ZRSR2: variants seen among roughly 807,000 people sequenced by gnomAD.
ZRSR2 encodes the protein zinc finger CCCH-type, RNA binding motif and serine/arginine rich 2, also known as U2 small nuclear ribonucleoprotein auxiliary factor 35 kDa subunit-related protein 2.
In ZRSR2, 3 loss-of-function variants were observed where a neutral mutation model predicts 39.4. The observed-to-expected ratio is 0.08, with a 90% CI of 0.03 to 0.20. ZRSR2 has a LOEUF of 0.20. ZRSR2 is among the 10% of genes least tolerant of loss of function. The pLI, the probability that ZRSR2 is intolerant of heterozygous loss-of-function variation, is 1.00. For synonymous variants in ZRSR2, 137 were observed against 136.0 expected (o/e 1.01, Z -0.05); for missense variants, 256 against 391.5 (o/e 0.65, Z 2.92).
At chrX:15,797,073 C>T (rs1932497693) in intron 2 of ZRSR2, among the ~76,000 whole-genome samples, 1 of 110,180 alleles carries the variant, frequency 9.1e-6, no homozygotes. Context: ...GGATTACAGG[C>T]ATGAGCCACC....
intron 3 of ZRSR2, chrX:15,801,931 A>C (rs1311880327): frequency 8.9e-6 from 1 of 112,268 alleles, no homozygotes; most frequent in Non-Finnish European, 1.9e-5. Context: ...CAAGTTATTA[A>C]ATTTTAAAAT....
At chrX:15,811,430 C>A (rs1321325590) in intron 7 of ZRSR2, among the ~76,000 whole-genome samples, 6 of 109,774 alleles carry the variant, frequency 5.5e-5, no homozygotes, top group Non-Finnish European at 1.1e-4. Flanking sequence ...CTCACCCCCC[C>A]CCCTTTTTTT....
intron 2 of ZRSR2, among the ~76,000 whole-genome samples, chrX:15,796,246 T>C (rs2147278330): frequency 8.9e-6 from 1 of 112,112 alleles, no homozygotes; most frequent in South Asian, 3.6e-4. Flanking sequence ...CTAGTCGCAC[T>C]TTGTGTGAGT....
At chrX:15,790,664 G>C (rs1168072497) in intron 1 of ZRSR2, 128 bp downstream of exon 1, 2 of 955,608 alleles carry the variant, frequency 2.1e-6, no homozygotes, top group African/African-American at 4.0e-5. Flanking sequence ...TTCCTTCCTG[G>C]TGCGCGCTCT....
At chrX:15,818,861 C>T (rs1382676100) in intron 9 of ZRSR2, among the ~76,000 whole-genome samples, 1 of 110,544 alleles carries the variant, frequency 9.0e-6, no homozygotes. Flanking sequence ...ACCTCCACCT[C>T]CCAGGTTCAA....
At chrX:15,794,874 C>T (rs368682569) in intron 2 of ZRSR2, among the ~76,000 whole-genome samples, 1 of 112,062 alleles carries the variant, frequency 8.9e-6, no homozygotes, top group African/African-American at 3.2e-5. Context: ...AAGTCAAAAG[C>T]AGTCTTGAAT....
chrX:15,809,605 C>T (rs986616171), intron 7 of ZRSR2, among the ~76,000 whole-genome samples: 26 of 112,135 alleles, frequency 2.3e-4, no homozygotes, highest in Non-Finnish European at 4.7e-4. Context: ...TCTTCCTGAG[C>T]TTGCATTAGT....
intron 7 of ZRSR2, among the ~76,000 whole-genome samples, chrX:15,812,321 G>A (rs1932899734): frequency 8.9e-6 from 1 of 112,444 alleles, no homozygotes. Flanking sequence ...CATCATTCAA[G>A]TGATAAGTTG....
In ZRSR2 at chrX:15,799,871, G is replaced by A; in HGVS notation, c.122-1G>A. ...TTTAATAAAACATTTAAATTCCCTAGGACTCTCACAGAAGGAGGAAGAGGA... is the reference window on the plus strand; with the variant it reads ...TTTAATAAAACATTTAAATTCCCTAAGACTCTCACAGAAGGAGGAAGAGGA... On this transcript the variant is annotated splice_acceptor_variant, in intron 2 of 10. Coordinates refer to ENST00000307771, the MANE Select transcript of ZRSR2 (RefSeq NM_005089.4). LOFTEE classifies it high-confidence loss of function. 8.5e-7 allele frequency: 1 copy of A among 1,175,805 alleles called. No individual in the cohort carries two copies. The highest frequency in any genetic ancestry group is 1.2e-6 in the Non-Finnish European group (1 of 868,236).
rs182942941 is a variant in ZRSR2, at chrX:15,800,124, A to T, written c.203+171A>T. Among the ~76,000 whole-genome samples, 20 of 102,516 alleles carry T rather than the reference A, an allele frequency of 2.0e-4. No individual in the cohort carries two copies. In the East Asian group the frequency reaches 5.7e-3, roughly 29 times the overall value. 89.0% of individuals were successfully genotyped at this position (102,516 alleles called of 115,157 possible). ...AGTTGATGGGCTAAAACTAGATGTT[A>T]TTTTTTTTAAAAATGGAAGTACTTT... On this transcript the variant is annotated intron_variant, in intron 3 of 10. Transcript: ENST00000307771.
intron 5 of ZRSR2, among the ~76,000 whole-genome samples, chrX:15,806,053 C>T (rs1307838624): frequency 9.0e-6 from 1 of 111,618 alleles, no homozygotes; most frequent in Non-Finnish European, 1.9e-5. Flanking sequence ...TTTGAGCTGA[C>T]ACCTGAGTGG....
chrX:15,800,210 C>T lies in ZRSR2; in HGVS notation c.203+257C>T, dbSNP rs192295299. Among the ~76,000 whole-genome samples the T allele has an allele frequency of 3.7e-5, 3 of 81,087 alleles. No individual in the cohort carries two copies. The Admixed American group carries it at 5.0e-4, about 14-fold the overall frequency. 70.4% of individuals were successfully genotyped at this position (81,087 alleles called of 115,157 possible). ...TCTTTTTTTTTTTTTTTTTTTTAGACGGAGTCTCGCTCTGTTGCCAGGCTG... is the reference window on the plus strand; with the variant it reads ...TCTTTTTTTTTTTTTTTTTTTTAGATGGAGTCTCGCTCTGTTGCCAGGCTG... On this transcript the variant is annotated intron_variant, in intron 3 of 10. Coordinates refer to ENST00000307771, the MANE Select transcript of ZRSR2 (RefSeq NM_005089.4).
At chrX:15,809,408 A>T in intron 7 of ZRSR2, 90 bp downstream of exon 7, 1 of 615,534 alleles carries the variant, frequency 1.6e-6, no homozygotes, top group Non-Finnish European at 2.7e-6. Flanking sequence ...GCATGTTTCC[A>T]TTTCAAATGT....
Position 15,808,286 on chromosome X carries a change from T to C in ZRSR2, c.438+15T>C. On this transcript the variant is annotated intron_variant, in intron 6 of 10. Transcript: ENST00000307771. ...CTGAAAATGAGGTATTTTTAAAACC[T>C]TACATTGATAATTTGAGACCAATTA... is the stretch of plus-strand genomic sequence containing the variant. 2.5e-6 allele frequency: 3 copies of C among 1,182,222 alleles called. No homozygotes were observed. The highest frequency in any genetic ancestry group is 3.4e-6 in the Non-Finnish European group (3 of 873,961).
intron 3 of ZRSR2, among the ~76,000 whole-genome samples, chrX:15,800,971 A>G (rs780868943): frequency 4.5e-5 from 5 of 112,288 alleles, no homozygotes; most frequent in Admixed American, 9.4e-5. Flanking sequence ...TCATAAGTCC[A>G]TGTAAAATGT....
At chrX:15,795,815 T>G (rs1336695350) in intron 2 of ZRSR2, among the ~76,000 whole-genome samples, 1 of 111,642 alleles carries the variant, frequency 9.0e-6, no homozygotes, top group Non-Finnish European at 1.9e-5. Flanking sequence ...AATAGGATAC[T>G]TTCATCTGCA....
intron 7 of ZRSR2, among the ~76,000 whole-genome samples, chrX:15,814,677 T>C (rs1372326701): frequency 9.0e-6 from 1 of 111,317 alleles, no homozygotes; most frequent in Non-Finnish European, 1.9e-5. Context: ...GGCACCAGAT[T>C]GTAGATTAAT....
intron 2 of ZRSR2, among the ~76,000 whole-genome samples, chrX:15,796,042 T>G (rs1455354457): frequency 9.0e-6 from 1 of 110,528 alleles, no homozygotes; most frequent in African/African-American, 3.3e-5. Context: ...TTTGTTTTTT[T>G]TTTTGAGATG....
intron 2 of ZRSR2, among the ~76,000 whole-genome samples, chrX:15,792,868 A>G (rs1932327876): frequency 8.9e-6 from 1 of 112,671 alleles, no homozygotes; most frequent in Non-Finnish European, 1.9e-5. Context: ...CTTAAAATCC[A>G]GAGACCATGG....
Sources: allele counts gnomAD v4.1 joint callset (sites outside exome capture counted in the v4.1 genomes callset), GRCh38; gene constraint gnomAD v4.1.1; transcripts MANE v1.5; gene names NCBI Gene and HGNC (gene_info 2026-07-23, HGNC 2026-07-21).